LAMA5: variants seen among roughly 807,000 people sequenced by gnomAD.
LAMA5 encodes the protein laminin subunit alpha-5.
Under a neutral mutation model 433.4 loss-of-function variants are expected in LAMA5, and 260 were observed. That is an observed-to-expected ratio of 0.60 (90% CI 0.54 to 0.66). The LOEUF (loss-of-function observed/expected upper bound fraction) is 0.66. LAMA5 is among the 30% of genes least tolerant of loss of function. The probability of loss-of-function intolerance (pLI) is 0.00; values close to 1 mark genes in which losing one functional copy is unlikely to be tolerated. For missense variants in LAMA5, 5,378 were observed against 5,258.5 expected (o/e 1.02, Z -0.70); for synonymous variants, 2,620 against 2,226.6 (o/e 1.18, Z -4.97).
In LAMA5 at chr20:62,335,145, G is replaced by A. The variant is rs780615247; in HGVS notation, c.2377-19C>T. Reference sequence around the variant, plus strand: ...CGGTGCCCTGGGGGCCAAGGGAGGAGGTGAAGTGGGGCAGGGGAGGGTCCT... The same window carrying A: ...CGGTGCCCTGGGGGCCAAGGGAGGAAGTGAAGTGGGGCAGGGGAGGGTCCT... On this transcript the variant is annotated intron_variant, in intron 19 of 79. Coordinates refer to ENST00000252999, the MANE Select transcript of LAMA5 (RefSeq NM_005560.6). 2 of 1,612,724 alleles carry A rather than the reference G, an allele frequency of 1.2e-6. No individual in the cohort carries two copies. The highest frequency in any genetic ancestry group is 1.7e-6 in the Non-Finnish European group (2 of 1,179,552).
At position 62,333,219 on chromosome 20, in the gene LAMA5, G is replaced by A. The variant is rs754365411; in HGVS notation, c.3153C>T (p.Pro1051=). The A allele has an allele frequency of 5.9e-6, 9 of 1,530,670 alleles. No homozygotes were observed. In the Admixed American group the frequency reaches 8.1e-5, roughly 14 times the overall value. The allele number at this position is 1,530,670 out of a possible 1,614,324, so 94.8% of individuals were successfully genotyped here. Residue 1051 remains proline, a synonymous_variant, in exon 26 of 80, where the codon CCC becomes CCT. Coordinates refer to ENST00000252999, the MANE Select transcript of LAMA5 (RefSeq NM_005560.6). ...CGGCGGCCGAGGGGAAGCCATCCAG[G>A]GGGAGGTGTGTGTAGAGGAGGCAGC... ...GDNCLLYTHL[P]LDGFPSAAGL...
intron 51 of LAMA5, 114 bp from the exon 52 acceptor site, chr20:62,319,127 G>C (rs1987376517): frequency 5.2e-6 from 6 of 1,152,732 alleles, no homozygotes; most frequent in African/African-American, 1.6e-5. Flanking sequence ...CAGGGGCCCG[G>C]AACCTGAGCG....
In LAMA5 at chr20:62,323,468, C is replaced by G. The variant is rs748789644; in HGVS notation, c.6052G>C (p.Gly2018Arg). 6.5e-7 allele frequency: 1 copy of G among 1,541,606 alleles called. No homozygotes were observed. The highest frequency in any genetic ancestry group is 8.7e-7 in the Non-Finnish European group (1 of 1,145,016). Residue 2018 changes from glycine to arginine, a missense_variant, in exon 45 of 80, where the codon GGC (glycine) becomes CGC (arginine). Transcript: ENST00000252999. ...PGFYGNALLP[G>R]NCTRCDCTPC... ...GCCCGACGCCTACGGGTGCAGTTGCCGGGCAGCAGGGCGTTGCCGTAGAAG... is the reference window on the plus strand; with the variant it reads ...GCCCGACGCCTACGGGTGCAGTTGCGGGGCAGCAGGGCGTTGCCGTAGAAG...
rs1052920272 is a variant in LAMA5, at chr20:62,359,063, C to A, written c.450+3337G>T. 6.6e-6 allele frequency among the ~76,000 whole-genome samples: 1 copy of A among 152,158 alleles called. No homozygotes were observed. Among genetic ancestry groups the A allele is most frequent in the African/African-American group, 2.4e-5 (1 of 41,434 alleles). On this transcript the variant is annotated intron_variant, in intron 2 of 79. Transcript: ENST00000252999. This position sits in a 1 kb window ranked among gnomAD's most constrained non-coding sequence, Gnocchi z 4.3. ...ACCCCCACCTGGGCCTCCCCATTTG[C>A]CCTGCAGCTCTGGGCCTCGGGGACT... is the stretch of plus-strand genomic sequence containing the variant.
At chr20:62,346,478 G>A (rs1170793584) in intron 9 of LAMA5, 28 bp downstream of exon 9, 1 of 1,545,050 alleles carries the variant, frequency 6.5e-7, no homozygotes, top group Non-Finnish European at 8.8e-7. Context: ...CTGAGACCCA[G>A]GACACCCGCC....
Position 62,360,074 on chromosome 20 carries a change from AGCCC to A in LAMA5, c.450+2322_450+2325del, listed in dbSNP as rs1985802448. Among the ~76,000 whole-genome samples the A allele has an allele frequency of 1.1e-4, 16 of 151,030 alleles. No homozygotes were observed. In the South Asian group the frequency reaches 3.1e-3, roughly 30 times the overall value. Reference sequence around the variant, plus strand: ...GAGGCCCCAGCCCCGCCCCAGGATCAGCCCTGAAGCCCAGGAAGGACATTTCCCC... The same window carrying A: ...GAGGCCCCAGCCCCGCCCCAGGATCATGAAGCCCAGGAAGGACATTTCCCC... On this transcript the variant is annotated intron_variant, in intron 2 of 79. Transcript: ENST00000252999.
In LAMA5 at chr20:62,318,622, G is replaced by A. The variant is rs148155421; in HGVS notation, c.7071C>T (p.Ser2357=). 6 of 1,610,640 alleles carry A rather than the reference G, an allele frequency of 3.7e-6. No homozygotes were observed. The South Asian group carries it at 4.4e-5, about 12-fold the overall frequency. Residue 2357 remains serine, a synonymous_variant, in exon 53 of 80, where the codon AGC becomes AGT. Coordinates refer to ENST00000252999, the MANE Select transcript of LAMA5 (RefSeq NM_005560.6). ...GTGCCTGGTTCTCCTCCCAGAGGCT[G>A]CTCAGCTGCTCCTGCACCCGGGCCA... is the stretch of plus-strand genomic sequence containing the variant. ...RLLARVQEQL[S]SLWEENQALA...
rs1382782421 is a variant in LAMA5 at position 62,317,742 on chromosome 20, G to C, written c.7276C>G (p.Leu2426Val). 8.7e-6 allele frequency: 14 copies of C among 1,608,038 alleles called. No homozygotes were observed. The highest frequency in any genetic ancestry group is 1.2e-5 in the Non-Finnish European group (14 of 1,178,102). Residue 2426 changes from leucine to valine, a missense_variant, in exon 54 of 80, where the codon CTG becomes GTG. Leu to Val is a conservative substitution (Grantham distance 32). Transcript: ENST00000252999. ...CTAGCCGCATGCAGAGTGGCCTGCAGGGTGGCATTGTCCCGGGACAGCTCC... is the reference window on the plus strand; with the variant it reads ...CTAGCCGCATGCAGAGTGGCCTGCACGGTGGCATTGTCCCGGGACAGCTCC... ...KQELSRDNAT[L>V]QATLHAARDT...
chr20:62,316,769 A>G lies in LAMA5; in HGVS notation c.7658T>C (p.Val2553Ala), dbSNP rs1276965127. The change falls in exon 57 of 80, where the codon GTG (valine) becomes GCG (alanine). Residue 2553 changes from valine (V) to alanine (A), a missense_variant. Physicochemically the swap from Val to Ala is moderately conservative, Grantham distance 64. Transcript: ENST00000252999. Reference sequence around the variant, plus strand: ...TCGGTCCACCAGGCCCTGCCGCACCACCGTCTGTGGATGCCAGGGCAGACC... The same window carrying G: ...TCGGTCCACCAGGCCCTGCCGCACCGCCGTCTGTGGATGCCAGGGCAGACC... ...LQQADHTWAT[V>A]VRQGLVDRAQ... The G allele has an allele frequency of 6.2e-7, 1 of 1,604,108 alleles. No homozygotes were observed. Among genetic ancestry groups the G allele is most frequent in the South Asian group, 1.1e-5 (1 of 90,316 alleles).
In LAMA5 at chr20:62,328,830, ACTGGGG is replaced by A. The variant is rs1370573884; in HGVS notation, c.4447+8_4447+13del. ...ACTCCCTGCCACTGGGCGCCCAAGG[ACTGGGG>A]TACTCACGCCTGCAGTTGGGGAAGC... On this transcript the variant is annotated splice_region_variant and intron_variant, in intron 34 of 79. Coordinates refer to ENST00000252999, the MANE Select transcript of LAMA5 (RefSeq NM_005560.6). 1 of 1,608,674 alleles carries A rather than the reference ACTGGGG, an allele frequency of 6.2e-7. No homozygotes were observed. The highest frequency in any genetic ancestry group is 1.3e-5 in the African/African-American group (1 of 74,672).
rs2427285 is a variant in LAMA5, at chr20:62,325,523, C to T, written c.5322G>A (p.Thr1774=). 2.5e-6 allele frequency: 4 copies of T among 1,611,186 alleles called. No individual in the cohort carries two copies. The South Asian group carries it at 3.3e-5, about 13-fold the overall frequency. The change falls in exon 41 of 80, where the codon ACG becomes ACA. Residue 1774 remains threonine, a synonymous_variant. Coordinates refer to ENST00000252999, the MANE Select transcript of LAMA5 (RefSeq NM_005560.6). ...LVEGNFRHTE[T]RNTVSREELM... is the part of the protein sequence containing the mutation. ...GCTCCTCGCGGGACACAGTGTTGCG[C>T]GTCTCCGTATGCCGGAAGTTCCCCT...
chr20:62,337,960 A>G (rs1346089786), intron 14 of LAMA5, 22 bp from the exon 15 acceptor site: 1 of 1,600,684 alleles, frequency 6.2e-7, no homozygotes, highest in Non-Finnish European at 8.5e-7. Context: ...CAATGGGGTC[A>G]GGCCCTGGCG....
intron 38 of LAMA5, 107 bp downstream of exon 38, chr20:62,327,126 C>T: frequency 8.2e-7 from 1 of 1,212,716 alleles, no homozygotes; most frequent in Non-Finnish European, 1.1e-6. Context: ...CTCACGGACC[C>T]CCATGGAGCT....
At chr20:62,353,351 G>A in intron 2 of LAMA5, 100 bp from the exon 3 acceptor site, 1 of 830,496 alleles carries the variant, frequency 1.2e-6, no homozygotes, top group Non-Finnish European at 1.9e-6. Context: ...GCCACAGCAG[G>A]GGATGTGGCA....
At position 62,319,002 on chromosome 20, in the gene LAMA5, G is replaced by A; in HGVS notation, c.6883C>T (p.Gln2295Ter). 1 of 1,584,596 alleles carries A rather than the reference G, an allele frequency of 6.3e-7. No homozygotes were observed. Among genetic ancestry groups the A allele is most frequent in the Non-Finnish European group, 8.6e-7 (1 of 1,167,914 alleles). The change falls in exon 52 of 80, where the codon CAG (glutamine) becomes TAG (stop). Residue 2295 changes from glutamine to a stop codon, truncating the protein, a stop_gained. Transcript: ENST00000252999. LOFTEE classifies it high-confidence loss of function. ...VDRTLSELMS[Q>*]TGHLGLANAS... Reference sequence around the variant, plus strand: ...TTGGCCAGCCCCAGGTGGCCCGTCTGGGACATGAGCTCTGTGGGGCAGGGG... The same window carrying A: ...TTGGCCAGCCCCAGGTGGCCCGTCTAGGACATGAGCTCTGTGGGGCAGGGG...
intron 3 of LAMA5, 28 bp downstream of exon 3, chr20:62,353,106 C>G: frequency 6.6e-7 from 1 of 1,514,778 alleles, no homozygotes; most frequent in South Asian, 1.2e-5. Context: ...TGCCTCTCCC[C>G]CCAGGCCCCA....
At chr20:62,345,645 G>A (rs1313022788) in intron 11 of LAMA5, 173 bp downstream of exon 11, 3 of 643,210 alleles carry the variant, frequency 4.7e-6, no homozygotes, top group Non-Finnish European at 8.3e-6. Flanking sequence ...GCTTTATGCT[G>A]ACCTATATTT....
Position 62,314,417 on chromosome 20 carries a change from C to G in LAMA5, c.8391G>C (p.Val2797=). 1 of 1,613,510 alleles carries G rather than the reference C, an allele frequency of 6.2e-7. No individual in the cohort carries two copies. Among genetic ancestry groups the G allele is most frequent in the South Asian group, 1.1e-5 (1 of 91,090 alleles). ...AGTGCACCTTCTTGTCACGCAGAGA[C>G]ACACCCATGTAGTCCCCAGTGGCCT... is the stretch of plus-strand genomic sequence containing the variant. ...SRQATGDYMG[V]SLRDKKVHWV... Residue 2797 remains valine, a synonymous_variant, in exon 62 of 80, where the codon GTG becomes GTC. Transcript: ENST00000252999.
chr20:62,323,487 G>A lies in LAMA5; in HGVS notation c.6033C>T (p.Tyr2011=), dbSNP rs776751604. ...AGTTGCCGGGCAGCAGGGCGTTGCC[G>A]TAGAAGCCGGGGGCACAGATCTCGC... ...PRCEICAPGF[Y]GNALLPGNCT... is the part of the protein sequence containing the mutation. The change falls in exon 45 of 80, where the codon TAC becomes TAT. Residue 2011 remains tyrosine (Y), a synonymous_variant. Coordinates refer to ENST00000252999, the MANE Select transcript of LAMA5 (RefSeq NM_005560.6). 113 of 1,550,364 alleles carry A rather than the reference G, an allele frequency of 7.3e-5. No individual in the cohort carries two copies. Among genetic ancestry groups the A allele is most frequent in the Middle Eastern group, 1.7e-4 (1 of 5,778 alleles).
Sources: allele counts gnomAD v4.1 joint callset (sites outside exome capture counted in the v4.1 genomes callset), GRCh38; gene constraint gnomAD v4.1.1; non-coding constraint Gnocchi (gnomAD v3.1); transcripts MANE v1.5; gene names NCBI Gene and HGNC (gene_info 2026-07-23, HGNC 2026-07-21).